ADCY5: variants seen among roughly 807,000 people sequenced by gnomAD.
The protein encoded by ADCY5 is adenylate cyclase 5.
Under a neutral mutation model 119.7 loss-of-function variants are expected in ADCY5, and 30 were observed. The ratio of observed to expected loss-of-function variants is 0.25; its 90% CI spans 0.19 to 0.34. The LOEUF (loss-of-function observed/expected upper bound fraction) is 0.34, where lower values mean the gene tolerates loss of function less well. Among genes scored for constraint, ADCY5 ranks in the 10% least tolerant of loss-of-function variants. The pLI is 1.00. For missense variants in ADCY5, 1,324 were observed against 1,775.2 expected (o/e 0.75, Z 4.57); for synonymous variants, 753 against 762.2 (o/e 0.99, Z 0.20).
intron 1 of ADCY5, among the ~76,000 whole-genome samples, chr3:123,408,968 C>T (rs550670524): frequency 2.6e-4 from 39 of 152,152 alleles, no homozygotes; most frequent in African/African-American, 8.4e-4. Flanking sequence ...GAGTGAGACT[C>T]TAACTCAAAA....
chr3:123,315,158 T>G (rs898720644), intron 11 of ADCY5, among the ~76,000 whole-genome samples: 3 of 151,690 alleles, frequency 2.0e-5, no homozygotes, highest in Non-Finnish European at 4.4e-5. Context: ...GGAGGAAGAG[T>G]GGCCTGACGA....
At chr3:123,356,083 C>T (rs756571671) in intron 1 of ADCY5, among the ~76,000 whole-genome samples, 1 of 152,128 alleles carries the variant, frequency 6.6e-6, no homozygotes, top group African/African-American at 2.4e-5. Flanking sequence ...TCTGGGAAAA[C>T]TGGATATCTA....
chr3:123,448,064 T>A lies in ADCY5; in HGVS notation c.482A>T (p.Glu161Val). ...CGCGCGCCCCTTGCCCCGCCGCTCC[T>A]CCAGACCCACCTCCACCGAGCGAGG... is the stretch of plus-strand genomic sequence containing the variant. ...VRPRSVEVGL[E>V]ERRGKGRAAD... The change falls in exon 1 of 21, where the codon GAG (glutamate) becomes GTG (valine). Residue 161 changes from glutamate to valine, a missense_variant. Transcript: ENST00000462833. 1.6e-6 allele frequency: 2 copies of A among 1,247,558 alleles called. No homozygotes were observed. 77.3% of individuals were successfully genotyped at this position (1,247,558 alleles called of 1,614,324 possible).
At chr3:123,335,642 G>T (rs1014219336) in intron 3 of ADCY5, among the ~76,000 whole-genome samples, 1 of 152,138 alleles carries the variant, frequency 6.6e-6, no homozygotes, top group African/African-American at 2.4e-5. Flanking sequence ...TGCTGCTGTG[G>T]TACCGGACAG....
chr3:123,348,061 G>GTGTGTGTGTGTGTGTGTC (rs1347982680), intron 2 of ADCY5, among the ~76,000 whole-genome samples, 158 bp from the exon 3 acceptor site: 12 of 150,754 alleles, frequency 8.0e-5, no homozygotes, highest in African/African-American at 2.9e-4. Context: ...GTGTGTGTGT[G>GTGTGTGTGTGTGTGTGTC]TGTCTGTGCA....
chr3:123,347,692 G>A (rs777154185), intron 3 of ADCY5, 90 bp downstream of exon 3: 199 of 1,467,932 alleles, frequency 1.4e-4, no homozygotes, highest in Non-Finnish European at 1.8e-4. Context: ...CCACCCTGTC[G>A]GGCTGTGCCC....
At position 123,413,295 on chromosome 3, in the gene ADCY5, G is replaced by A. The variant is rs111645485; in HGVS notation, c.1134+34117C>T. Among the ~76,000 whole-genome samples the A allele has an allele frequency of 4.2e-3, 637 of 152,324 alleles. 3 individuals carry two copies. Among genetic ancestry groups the A allele is most frequent in the African/African-American group, 0.015 (613 of 41,570 alleles). Reference sequence around the variant, plus strand: ...TTTCCCCAAACCCTAAACTGAAGCAGGCAGGAGCACTTCCCGTCCCTGACC... The same window carrying A: ...TTTCCCCAAACCCTAAACTGAAGCAAGCAGGAGCACTTCCCGTCCCTGACC... On this transcript the variant is annotated intron_variant, in intron 1 of 20. Transcript: ENST00000462833.
chr3:123,300,909 C>T (rs1169744462), intron 14 of ADCY5, among the ~76,000 whole-genome samples: 2 of 152,202 alleles, frequency 1.3e-5, no homozygotes, highest in African/African-American at 4.8e-5. Context: ...GAAATATGAC[C>T]ATTTCATGAT....
At chr3:123,331,141 G>T in intron 4 of ADCY5, 125 bp from the exon 5 acceptor site, 1 of 1,028,186 alleles carries the variant, frequency 9.7e-7, no homozygotes, top group Non-Finnish European at 1.4e-6. Context: ...AGTGAGCGCA[G>T]GCCCACGCCG....
intron 1 of ADCY5, among the ~76,000 whole-genome samples, chr3:123,443,672 C>T (rs989441525): frequency 3.3e-5 from 5 of 152,102 alleles, no homozygotes; most frequent in Non-Finnish European, 1.5e-5. Context: ...AGAAGAAATG[C>T]AGGAAATCAC....
chr3:123,405,834 G>A (rs1157933121), intron 1 of ADCY5, among the ~76,000 whole-genome samples: 8 of 152,014 alleles, frequency 5.3e-5, no homozygotes, highest in Admixed American at 3.3e-4. Context: ...GGGGTTTCAC[G>A]ATGTTGGCCA....
chr3:123,441,069 G>C (rs571889381), intron 1 of ADCY5, among the ~76,000 whole-genome samples: 2 of 152,356 alleles, frequency 1.3e-5, no homozygotes, highest in South Asian at 4.1e-4. Flanking sequence ...TCTTGCCACT[G>C]TTGCAAGACA....
intron 1 of ADCY5, among the ~76,000 whole-genome samples, chr3:123,441,522 T>C (rs1945721000): frequency 6.6e-6 from 1 of 152,206 alleles, no homozygotes; most frequent in African/African-American, 2.4e-5. Context: ...CTGAGACCTG[T>C]CTACTACTTC....
chr3:123,341,151 T>C (rs1405059305), intron 3 of ADCY5, among the ~76,000 whole-genome samples: 1 of 151,708 alleles, frequency 6.6e-6, no homozygotes, highest in Non-Finnish European at 1.5e-5. Flanking sequence ...AGCACAGATA[T>C]GAAAAAAATA....
intron 1 of ADCY5, among the ~76,000 whole-genome samples, chr3:123,389,226 C>T (rs1207993365): frequency 2.0e-5 from 3 of 152,090 alleles, no homozygotes. Flanking sequence ...GGTGGAGACA[C>T]AGGACTGGGA....
chr3:123,397,600 G>A (rs897960318), intron 1 of ADCY5, among the ~76,000 whole-genome samples: 2,629 of 152,348 alleles, frequency 0.017, 74 homozygotes, highest in African/African-American at 0.06. Flanking sequence ...TCACACCACT[G>A]CACTCCAGCC....
Position 123,295,742 on chromosome 3 carries a change from C to T in ADCY5, c.3063+342G>A, listed in dbSNP as rs148410798. Reference sequence around the variant, plus strand: ...CTGCCCCCACCACAAAGGACCTGCCCGCACCTCCCCTCTGTCCCTGCCTGG... The same window carrying T: ...CTGCCCCCACCACAAAGGACCTGCCTGCACCTCCCCTCTGTCCCTGCCTGG... On this transcript the variant is annotated intron_variant, in intron 17 of 20. Coordinates refer to ENST00000462833, the MANE Select transcript of ADCY5 (RefSeq NM_183357.3). Among the ~76,000 whole-genome samples the T allele has an allele frequency of 1.0e-3, 158 of 152,268 alleles. No individual in the cohort carries two copies. The East Asian group carries it at 0.028, about 27-fold the overall frequency.
chr3:123,398,783 T>C (rs888146286), intron 1 of ADCY5, among the ~76,000 whole-genome samples: 6 of 152,184 alleles, frequency 3.9e-5, no homozygotes, highest in African/African-American at 1.4e-4. Flanking sequence ...CTGGGTCATA[T>C]CCACCTCCTT....
intron 1 of ADCY5, among the ~76,000 whole-genome samples, chr3:123,412,740 A>C (rs1945085317): frequency 6.6e-6 from 1 of 151,948 alleles, no homozygotes; most frequent in African/African-American, 2.4e-5. Flanking sequence ...CTTCAGCTTT[A>C]CCACAAAAAG....
Sources: allele counts gnomAD v4.1 joint callset (sites outside exome capture counted in the v4.1 genomes callset), GRCh38; gene constraint gnomAD v4.1.1; transcripts MANE v1.5; gene names NCBI Gene and HGNC (gene_info 2026-07-23, HGNC 2026-07-21).